Variants in EPHA6 observed in about 807,000 individuals in gnomAD.
EPHA6 encodes the protein EPH receptor A6.
EPHA6 carries 50 observed loss-of-function variants against 112.0 expected under a neutral mutation model. That is an observed-to-expected ratio of 0.45 (90% CI 0.36 to 0.56). The LOEUF (loss-of-function observed/expected upper bound fraction) is 0.56. Among genes scored for constraint, EPHA6 ranks in the 20% least tolerant of loss-of-function variants. The pLI, the probability that EPHA6 is intolerant of heterozygous loss-of-function variation, is 0.00. For synonymous variants in EPHA6, 529 were observed against 490.7 expected (o/e 1.08, Z -1.03); for missense variants, 1,280 against 1,417.4 (o/e 0.90, Z 1.56).
intron 10 of EPHA6, among the ~76,000 whole-genome samples, chr3:97,512,251 T>G (rs1234088097): frequency 6.6e-6 from 1 of 152,166 alleles, no homozygotes; most frequent in Non-Finnish European, 1.5e-5. Context: ...TGGTTTAATT[T>G]ACAGAGGTAT....
At chr3:97,108,204 G>A (rs1184471239) in intron 3 of EPHA6, among the ~76,000 whole-genome samples, 1 of 152,068 alleles carries the variant, frequency 6.6e-6, no homozygotes, top group Non-Finnish European at 1.5e-5. Context: ...AGAGTGTTAG[G>A]GGAAAGTCAG....
At chr3:97,103,866 C>A (rs750558579) in intron 3 of EPHA6, among the ~76,000 whole-genome samples, 58 of 151,998 alleles carry the variant, frequency 3.8e-4, no homozygotes, top group Non-Finnish European at 8.2e-4. Flanking sequence ...TTTCACCTCC[C>A]TGGTTAGCTG....
At position 97,610,865 on chromosome 3, in the gene EPHA6, CT is replaced by C. The variant is rs2093713851; in HGVS notation, c.2574+15del. 1 of 1,597,428 alleles carries C rather than the reference CT, an allele frequency of 6.3e-7. No individual in the cohort carries two copies. The highest frequency in any genetic ancestry group is 2.2e-5 in the East Asian group (1 of 44,708). ...GACTCCTTTTTGCGGGTGAGGTGTTCTTTTCTGATGGCATTTAAATAAGCTA... is the reference window on the plus strand; with the variant it reads ...GACTCCTTTTTGCGGGTGAGGTGTTCTTTCTGATGGCATTTAAATAAGCTA... On this transcript the variant is annotated intron_variant, in intron 13 of 17. Coordinates refer to ENST00000389672, the MANE Select transcript of EPHA6 (RefSeq NM_001080448.3).
intron 1 of EPHA6, among the ~76,000 whole-genome samples, chr3:96,836,731 G>A (rs1385965157): frequency 1.3e-5 from 2 of 152,156 alleles, no homozygotes; most frequent in Non-Finnish European, 2.9e-5. Flanking sequence ...TTGTATCCAA[G>A]TGTCACCATT....
intron 11 of EPHA6, among the ~76,000 whole-genome samples, chr3:97,542,780 C>G (rs899543896): frequency 2.0e-5 from 3 of 152,092 alleles, no homozygotes; most frequent in Non-Finnish European, 4.4e-5. Context: ...TTTTAATGAT[C>G]GCCATTCTAA....
intron 5 of EPHA6, among the ~76,000 whole-genome samples, chr3:97,333,059 A>G (rs902964687): frequency 2.0e-5 from 3 of 152,054 alleles, no homozygotes; most frequent in Non-Finnish European, 4.4e-5. Flanking sequence ...AAATTAACAT[A>G]TTTACCATGT....
chr3:97,353,747 C>T (rs2083924365), intron 5 of EPHA6, among the ~76,000 whole-genome samples: 2 of 152,130 alleles, frequency 1.3e-5, no homozygotes, highest in Admixed American at 6.5e-5. Flanking sequence ...TCACCATCTG[C>T]TTACTGAAGA....
At chr3:96,940,888 G>A (rs544575039) in intron 2 of EPHA6, among the ~76,000 whole-genome samples, 1 of 152,248 alleles carries the variant, frequency 6.6e-6, no homozygotes, top group Non-Finnish European at 1.5e-5. Context: ...GAAATTCTGG[G>A]TTGAAAATTC....
At chr3:96,815,184 C>T (rs1011425829) in intron 1 of EPHA6, among the ~76,000 whole-genome samples, 176 bp downstream of exon 1, 3 of 152,122 alleles carry the variant, frequency 2.0e-5, no homozygotes, top group African/African-American at 7.2e-5. Flanking sequence ...CCGCCCGGGA[C>T]GGTGACTCCA....
At chr3:96,853,853 A>T (rs983363409) in intron 1 of EPHA6, among the ~76,000 whole-genome samples, 1 of 151,876 alleles carries the variant, frequency 6.6e-6, no homozygotes, top group Non-Finnish European at 1.5e-5. Flanking sequence ...CATGAAGTTG[A>T]TGTTACTATT....
At chr3:97,406,053 A>C (rs551949055) in intron 6 of EPHA6, among the ~76,000 whole-genome samples, 7 of 152,160 alleles carry the variant, frequency 4.6e-5, no homozygotes, top group Non-Finnish European at 1.0e-4. Context: ...ATGTTAAATA[A>C]AAATTTTAAT....
At chr3:97,647,144 C>T (rs2107597545) in intron 14 of EPHA6, among the ~76,000 whole-genome samples, 1 of 152,236 alleles carries the variant, frequency 6.6e-6, no homozygotes, top group Admixed American at 6.5e-5. Context: ...TACTGTTATT[C>T]TTCAGAACTA....
At chr3:96,929,728 T>C (rs1310933719) in intron 2 of EPHA6, among the ~76,000 whole-genome samples, 3 of 152,122 alleles carry the variant, frequency 2.0e-5, no homozygotes, top group Admixed American at 6.6e-5. Flanking sequence ...TGTGGAGTAT[T>C]TTACTGGGGT....
chr3:97,647,037 T>C (rs2094070130), intron 14 of EPHA6, among the ~76,000 whole-genome samples: 1 of 152,210 alleles, frequency 6.6e-6, no homozygotes, highest in East Asian at 1.9e-4. Flanking sequence ...GTCTGTCCCA[T>C]GCAGTTCCTT....
chr3:97,229,906 T>C (rs2078473683), intron 4 of EPHA6, among the ~76,000 whole-genome samples: 1 of 152,146 alleles, frequency 6.6e-6, no homozygotes. Context: ...GAACATATTT[T>C]AAATTTATAA....
At chr3:97,137,939 C>G (rs1454411220) in intron 3 of EPHA6, among the ~76,000 whole-genome samples, 1 of 151,976 alleles carries the variant, frequency 6.6e-6, no homozygotes, top group Non-Finnish European at 1.5e-5. Flanking sequence ...CTATGACGTC[C>G]CTCTTCCACA....
At chr3:97,467,124 C>T (rs181260116) in intron 7 of EPHA6, among the ~76,000 whole-genome samples, 53 of 151,822 alleles carry the variant, frequency 3.5e-4, no homozygotes, top group African/African-American at 9.4e-4. Flanking sequence ...TAAAGAGAAA[C>T]GCTATGAGGA....
intron 1 of EPHA6, among the ~76,000 whole-genome samples, chr3:96,858,302 AATTAC>A (rs1468598545): frequency 2.0e-5 from 3 of 152,102 alleles, no homozygotes; most frequent in African/African-American, 7.2e-5. Context: ...ACGCTTAGAG[AATTAC>A]ATGGTTTAGG....
intron 5 of EPHA6, among the ~76,000 whole-genome samples, chr3:97,364,935 T>C (rs898157889): frequency 6.6e-6 from 1 of 152,074 alleles, no homozygotes; most frequent in Non-Finnish European, 1.5e-5. Context: ...TTCTCTCAGG[T>C]TGATTTAGGC....
Sources: gnomAD v4.1 joint callset for allele counts (sites outside exome capture counted in the v4.1 genomes callset) on GRCh38, gnomAD v4.1.1 for gene constraint, MANE v1.5 for transcripts, NCBI Gene and HGNC (gene_info 2026-07-23, HGNC 2026-07-21) for gene names.